Variants in WDFY3 observed in about 807,000 individuals in gnomAD.
WDFY3 encodes the protein WD repeat and FYVE domain containing 3.
Under a neutral mutation model 409.6 loss-of-function variants are expected in WDFY3, and 66 were observed. That is an observed-to-expected ratio of 0.16 (90% CI 0.13 to 0.20). The LOEUF (loss-of-function observed/expected upper bound fraction) is 0.20. WDFY3 is among the 10% of genes least tolerant of loss of function. The pLI is 1.00. For missense variants in WDFY3, 3,031 were observed against 4,298.1 expected (o/e 0.71, Z 8.24); for synonymous variants, 1,521 against 1,537.1 (o/e 0.99, Z 0.25).
intron 3 of WDFY3, among the ~76,000 whole-genome samples, chr4:84,878,478 T>C (rs940152376): frequency 1.3e-5 from 2 of 152,158 alleles, no homozygotes; most frequent in African/African-American, 4.8e-5. Flanking sequence ...GTAAAATAGA[T>C]GTTGGCTTCT....
chr4:84,773,569 A>C (rs1745040939), intron 29 of WDFY3, among the ~76,000 whole-genome samples: 1 of 152,198 alleles, frequency 6.6e-6, no homozygotes, highest in Non-Finnish European at 1.5e-5. Flanking sequence ...AGGGAAAAAA[A>C]CAAAAACTTT....
chr4:84,718,645 TC>T, intron 47 of WDFY3, 75 bp from the exon 48 acceptor site: 1 of 1,504,198 alleles, frequency 6.6e-7, no homozygotes, highest in East Asian at 2.3e-5. Flanking sequence ...TACTACGGCA[TC>T]CCTAGAGCTA....
intron 5 of WDFY3, among the ~76,000 whole-genome samples, chr4:84,847,285 C>T (rs932019464): frequency 1.4e-4 from 21 of 152,046 alleles, no homozygotes; most frequent in Non-Finnish European, 4.4e-5. Context: ...CAGCCCACAG[C>T]TGCAAGCTTC....
rs543761218 is a variant in WDFY3, at chr4:84,720,248, G to C, written c.7605+1161C>G. Among the ~76,000 whole-genome samples the C allele has an allele frequency of 5.3e-5, 8 of 152,228 alleles. No homozygotes were observed. In the East Asian group the frequency reaches 9.6e-4, roughly 18 times the overall value. On this transcript the variant is annotated intron_variant, in intron 47 of 67. Transcript: ENST00000295888. Reference sequence around the variant, plus strand: ...GATAATACAGAGTGATATATATAAGGCATCATGAAAGTATAGAGGAAGGGT... The same window carrying C: ...GATAATACAGAGTGATATATATAAGCCATCATGAAAGTATAGAGGAAGGGT...
At chr4:84,911,999 G>C (rs1252874192) in intron 2 of WDFY3, among the ~76,000 whole-genome samples, 1 of 152,184 alleles carries the variant, frequency 6.6e-6, no homozygotes, top group African/African-American at 2.4e-5. Flanking sequence ...AATGTTGCGA[G>C]TATTCATTAA....
In WDFY3 at chr4:84,947,514, A is replaced by AAATAATAATAAT. The variant is rs200130662; in HGVS notation, c.-225-15163_-225-15152dup. Among the ~76,000 whole-genome samples, 343 of 140,532 alleles carry AAATAATAATAAT rather than the reference A, an allele frequency of 2.4e-3. 1 individual carries two copies. The highest frequency in any genetic ancestry group is 2.8e-3 in the Non-Finnish European group (186 of 65,662). The allele number at this position is 140,532 out of a possible 152,430, so 92.2% of individuals were successfully genotyped here. On this transcript the variant is annotated intron_variant, in intron 1 of 67. Coordinates refer to ENST00000295888, the MANE Select transcript of WDFY3 (RefSeq NM_014991.6). The stretch of plus-strand genomic sequence containing the variant: ...GCAAAAGAGCGAGAATCCGTCTCAA[A>AAATAATAATAAT]AATAATAATAATAATAATAATAATA...
chr4:84,906,532 T>C (rs1767063950), intron 2 of WDFY3, among the ~76,000 whole-genome samples: 1 of 152,170 alleles, frequency 6.6e-6, no homozygotes, highest in African/African-American at 2.4e-5. Context: ...TTAACCACAG[T>C]CATCCCTTGG....
intron 56 of WDFY3, among the ~76,000 whole-genome samples, chr4:84,700,774 C>T (rs959834799): frequency 2.0e-5 from 3 of 152,144 alleles, no homozygotes; most frequent in Non-Finnish European, 2.9e-5. Context: ...AAGAAGGCAA[C>T]GTTCTCCAAA....
intron 6 of WDFY3, among the ~76,000 whole-genome samples, chr4:84,837,694 A>C (rs1756784491): frequency 6.6e-6 from 1 of 152,218 alleles, no homozygotes; most frequent in South Asian, 2.1e-4. Context: ...TTCTTACAGT[A>C]CATATTTCAA....
chr4:84,718,601 A>G (rs1273765416), intron 47 of WDFY3, 31 bp from the exon 48 acceptor site: 2 of 1,592,734 alleles, frequency 1.3e-6, no homozygotes, highest in Middle Eastern at 1.7e-4. Context: ...ATTCATTAAT[A>G]TAGGCTTTTT....
intron 51 of WDFY3, among the ~76,000 whole-genome samples, chr4:84,711,478 T>C (rs912902569): frequency 2.6e-5 from 4 of 152,110 alleles, no homozygotes; most frequent in Non-Finnish European, 4.4e-5. Flanking sequence ...AATAAACATA[T>C]ACAGAGCTCA....
At chr4:84,773,395 C>CCT (rs754488195) in intron 29 of WDFY3, among the ~76,000 whole-genome samples, 5 of 152,110 alleles carry the variant, frequency 3.3e-5, no homozygotes, top group Admixed American at 6.6e-5. Flanking sequence ...ATTCGAATGT[C>CCT]CTAACATTAT....
intron 3 of WDFY3, among the ~76,000 whole-genome samples, chr4:84,895,210 G>C (rs761782121): frequency 6.6e-6 from 1 of 152,130 alleles, no homozygotes. Context: ...CTAGTAACTA[G>C]TGATGGAAAG....
chr4:84,729,501 C>G (rs901586900), intron 44 of WDFY3, among the ~76,000 whole-genome samples: 1 of 151,690 alleles, frequency 6.6e-6, no homozygotes, highest in Non-Finnish European at 1.5e-5. Context: ...ATAATTATTA[C>G]TATTTTTATT....
chr4:84,815,166 A>G (rs1015893344), intron 13 of WDFY3, among the ~76,000 whole-genome samples: 1 of 152,176 alleles, frequency 6.6e-6, no homozygotes, highest in African/African-American at 2.4e-5. Context: ...TCGGGTCACA[A>G]GGGCCTTGGA....
At chr4:84,890,734 C>T (rs960072418) in intron 3 of WDFY3, among the ~76,000 whole-genome samples, 6 of 152,140 alleles carry the variant, frequency 3.9e-5, no homozygotes, top group African/African-American at 9.7e-5. Context: ...GCCACTGTAG[C>T]GTGAAAGCAG....
intron 32 of WDFY3, among the ~76,000 whole-genome samples, chr4:84,761,447 C>A (rs1159913729): frequency 1.3e-5 from 2 of 152,078 alleles, no homozygotes; most frequent in Non-Finnish European, 2.9e-5. Context: ...GTCTAAGTCT[C>A]TTTGTAGGTC....
In WDFY3 at chr4:84,741,639, T is replaced by G. The variant is rs1241252905; in HGVS notation, c.6234+122A>C. 17 of 1,193,180 alleles carry G rather than the reference T, an allele frequency of 1.4e-5. No homozygotes were observed. The African/African-American group carries it at 2.3e-4, about 16-fold the overall frequency. 73.9% of individuals were successfully genotyped at this position (1,193,180 alleles called of 1,614,324 possible). On this transcript the variant is annotated intron_variant, in intron 38 of 67. Transcript: ENST00000295888. ...CTGTCTCTATTCACTTTTAATAAGCTTAGCTTTTTCTTAAATGTTAACATT... is the reference window on the plus strand; with the variant it reads ...CTGTCTCTATTCACTTTTAATAAGCGTAGCTTTTTCTTAAATGTTAACATT...
At chr4:84,717,626 G>A (rs373079854) in intron 48 of WDFY3, among the ~76,000 whole-genome samples, 297 of 152,234 alleles carry the variant, frequency 2.0e-3, no homozygotes, top group African/African-American at 6.3e-3. Context: ...TGTCTCCTGA[G>A]TTTTCCACTA....
Sources: allele counts gnomAD v4.1 joint callset (sites outside exome capture counted in the v4.1 genomes callset), GRCh38; gene constraint gnomAD v4.1.1; transcripts MANE v1.5; gene names NCBI Gene and HGNC (gene_info 2026-07-23, HGNC 2026-07-21).